The following EPB41L4A variants were observed in gnomAD, a reference collection of about 807,000 sequenced individuals.
The protein encoded by EPB41L4A is erythrocyte membrane protein band 4.1 like 4A.
A neutral mutation model predicts 108.6 loss-of-function variants in EPB41L4A; 100 were observed. That is an observed-to-expected ratio of 0.92 (90% CI 0.78 to 1.09). The LOEUF (loss-of-function observed/expected upper bound fraction) is 1.09, where lower values mean the gene tolerates loss of function less well. Among genes scored for constraint, EPB41L4A ranks in the 50% least tolerant of loss-of-function variants. The pLI, the probability that EPB41L4A is intolerant of heterozygous loss-of-function variation, is 0.00. For synonymous variants in EPB41L4A, 319 were observed against 289.0 expected (o/e 1.10, Z -1.05); for missense variants, 1,030 against 842.7 (o/e 1.22, Z -2.75).
intron 2 of EPB41L4A, among the ~76,000 whole-genome samples, chr5:112,302,292 G>A (rs1264120971): frequency 6.6e-6 from 1 of 152,028 alleles, no homozygotes; most frequent in Non-Finnish European, 1.5e-5. Context: ...GATCACTAGA[G>A]CTCAGGAGTT....
At chr5:112,360,471 C>G in intron 1 of EPB41L4A, among the ~76,000 whole-genome samples, 1 of 152,200 alleles carries the variant, frequency 6.6e-6, no homozygotes, top group Non-Finnish European at 1.5e-5. Context: ...GACGGGGTTT[C>G]GCCATGTTGG....
chr5:112,275,570 C>T (rs1752574403), intron 3 of EPB41L4A, among the ~76,000 whole-genome samples, 166 bp from the exon 4 acceptor site: 1 of 152,134 alleles, frequency 6.6e-6, no homozygotes, highest in East Asian at 1.9e-4. Context: ...AGGACCTCGA[C>T]ACATACACAC....
At chr5:112,400,918 G>A (rs1163112334) in intron 1 of EPB41L4A, among the ~76,000 whole-genome samples, 1 of 152,010 alleles carries the variant, frequency 6.6e-6, no homozygotes, top group African/African-American at 2.4e-5. Flanking sequence ...GAACTGACTG[G>A]CTCCCTATTC....
chr5:112,260,332 T>C (rs1751410331), intron 7 of EPB41L4A, among the ~76,000 whole-genome samples: 1 of 152,230 alleles, frequency 6.6e-6, no homozygotes, highest in African/African-American at 2.4e-5. Flanking sequence ...TGCTGATGCC[T>C]GGGCACTACC....
chr5:112,296,070 A>G (rs1471045360), intron 2 of EPB41L4A, among the ~76,000 whole-genome samples: 1 of 152,210 alleles, frequency 6.6e-6, no homozygotes, highest in Non-Finnish European at 1.5e-5. Flanking sequence ...CTTAATAATG[A>G]CTGGCTTTGT....
At chr5:112,204,669 A>C (rs1175016042) in intron 14 of EPB41L4A, 181 bp from the exon 15 acceptor site, 2 of 468,858 alleles carry the variant, frequency 4.3e-6, no homozygotes, top group African/African-American at 1.9e-5. Context: ...TGGCAAATCA[A>C]ATCATAAAGG....
intron 1 of EPB41L4A, among the ~76,000 whole-genome samples, chr5:112,410,906 G>GTT: frequency 6.6e-6 from 1 of 152,300 alleles, no homozygotes; most frequent in East Asian, 1.9e-4. Flanking sequence ...GCTACCACCT[G>GTT]AGGATGGCAC....
intron 7 of EPB41L4A, among the ~76,000 whole-genome samples, chr5:112,261,737 T>C (rs954571497): frequency 2.0e-5 from 3 of 152,226 alleles, no homozygotes; most frequent in Non-Finnish European, 4.4e-5. Context: ...GTAACCTTCA[T>C]ATTGACAGAA....
At chr5:112,265,348 T>C (rs1751773378) in intron 5 of EPB41L4A, among the ~76,000 whole-genome samples, 1 of 152,142 alleles carries the variant, frequency 6.6e-6, no homozygotes, top group Non-Finnish European at 1.5e-5. Flanking sequence ...ATGCTGGAAG[T>C]GAAAAACAAC....
chr5:112,411,338 C>G (rs1762400334), intron 1 of EPB41L4A, among the ~76,000 whole-genome samples: 2 of 152,060 alleles, frequency 1.3e-5, no homozygotes, highest in African/African-American at 4.8e-5. Context: ...ACAGATCTGA[C>G]AAATATATAT....
intron 1 of EPB41L4A, among the ~76,000 whole-genome samples, chr5:112,311,249 G>C (rs2150589485): frequency 6.6e-6 from 1 of 152,224 alleles, no homozygotes; most frequent in Middle Eastern, 3.4e-3. Flanking sequence ...TCAAGAGGCA[G>C]GCCAGTATCC....
chr5:112,277,469 A>C (rs1348236207), intron 3 of EPB41L4A, among the ~76,000 whole-genome samples: 1 of 152,206 alleles, frequency 6.6e-6, no homozygotes, highest in Non-Finnish European at 1.5e-5. Flanking sequence ...TCTAAATATA[A>C]GGCATTATTA....
intron 18 of EPB41L4A, among the ~76,000 whole-genome samples, chr5:112,177,162 A>T (rs1044077203): frequency 2.0e-5 from 3 of 152,128 alleles, no homozygotes; most frequent in Non-Finnish European, 4.4e-5. Context: ...CACAGGTCCT[A>T]CTGGACTAAA....
chr5:112,160,567 C>T (rs1301584911), downstream of EPB41L4A: 1 of 152,462 alleles, frequency 6.6e-6, no homozygotes, highest in African/African-American at 2.4e-5. Context: ...CTTTGGGCTC[C>T]TGCCGCTGCC....
intron 1 of EPB41L4A, among the ~76,000 whole-genome samples, chr5:112,332,911 G>C (rs1756659254): frequency 6.6e-6 from 1 of 152,146 alleles, no homozygotes. Context: ...ATACCATCAA[G>C]ACATTAGTGC....
chr5:112,166,109 G>C (rs992315102), intron 22 of EPB41L4A, among the ~76,000 whole-genome samples: 2 of 152,258 alleles, frequency 1.3e-5, no homozygotes, highest in East Asian at 2.0e-4. Context: ...GTCTAGGATT[G>C]AATCTGTCCA....
intron 1 of EPB41L4A, among the ~76,000 whole-genome samples, chr5:112,354,811 C>T (rs1758268702): frequency 6.6e-6 from 1 of 152,160 alleles, no homozygotes; most frequent in Non-Finnish European, 1.5e-5. Context: ...ATGTTGTAGT[C>T]TTTGCAAACC....
chr5:112,240,179 T>C (rs1013866742), intron 10 of EPB41L4A, among the ~76,000 whole-genome samples: 32 of 152,192 alleles, frequency 2.1e-4, no homozygotes, highest in Admixed American at 6.5e-5. Flanking sequence ...GACTGGCTCA[T>C]CCTGCCCTCT....
chr5:112,391,433 T>C (rs1760930896), intron 1 of EPB41L4A, among the ~76,000 whole-genome samples: 1 of 152,134 alleles, frequency 6.6e-6, no homozygotes, highest in African/African-American at 2.4e-5. Flanking sequence ...ACATGACGCA[T>C]GTACAAGCTT....
Sources: gnomAD v4.1 joint callset for allele counts (sites outside exome capture counted in the v4.1 genomes callset) on GRCh38, gnomAD v4.1.1 for gene constraint, MANE v1.5 for transcripts, NCBI Gene and HGNC (gene_info 2026-07-23, HGNC 2026-07-21) for gene names.